COL5A2: variants seen among roughly 807,000 people sequenced by gnomAD.
COL5A2 encodes the protein collagen type V alpha 2 chain, also known as collagen alpha-2(V) chain.
COL5A2 carries 23 observed loss-of-function variants against 208.2 expected under a neutral mutation model. The ratio of observed to expected loss-of-function variants is 0.11; its 90% CI spans 0.08 to 0.16. The LOEUF (loss-of-function observed/expected upper bound fraction) is 0.16. Among genes scored for constraint, COL5A2 ranks in the 10% least tolerant of loss-of-function variants. COL5A2 has a pLI of 1.00. For synonymous variants in COL5A2, 625 were observed against 628.5 expected, an observed-to-expected ratio of 0.99 and a Z score of 0.08; for missense variants, 1,590 against 1,956.4, an observed-to-expected ratio of 0.81 and a Z score of 3.53.
rs201575653 is a variant in COL5A2 at position 189,098,036 on chromosome 2, C to CCCCA, written c.402+690_402+691insTGGG. 1.4e-4 allele frequency among the ~76,000 whole-genome samples: 21 copies of CCCCA among 151,054 alleles called. 1 individual carries two copies. In the East Asian group the frequency reaches 4.1e-3, roughly 29 times the overall value. On this transcript the variant is annotated intron_variant, in intron 5 of 53. Coordinates refer to ENST00000374866, the MANE Select transcript of COL5A2 (RefSeq NM_000393.5). ...TGTGCTGATATCTTAAAATGTTTTTCCCCCCCTGGGAAATGGCTGTTGCCA... is the reference window on the plus strand; with the variant it reads ...TGTGCTGATATCTTAAAATGTTTTTCCCCACCCCCCTGGGAAATGGCTGTTGCCA...
the COL5A2 span, among the ~76,000 whole-genome samples, chr2:189,280,853 C>G: frequency 6.6e-6 from 1 of 151,960 alleles, no homozygotes. Flanking sequence ...TTTGGACTCA[C>G]CTGAACTCTT....
At chr2:189,192,763 T>C (rs1382902514) in intron 1 of COL5A2, among the ~76,000 whole-genome samples, 1 of 152,212 alleles carries the variant, frequency 6.6e-6, no homozygotes, top group East Asian at 1.9e-4. Context: ...CCAAAATTCA[T>C]CTTGAAATTT....
intron 1 of COL5A2, among the ~76,000 whole-genome samples, chr2:189,171,725 A>T (rs1315167881): frequency 1.3e-5 from 2 of 152,232 alleles, no homozygotes; most frequent in Non-Finnish European, 2.9e-5. Flanking sequence ...ATATTTATTT[A>T]TCTAAAGTTC....
At chr2:189,273,964 G>A in the COL5A2 span, among the ~76,000 whole-genome samples, 4 of 151,494 alleles carry the variant, frequency 2.6e-5, no homozygotes, top group African/African-American at 9.7e-5. Flanking sequence ...GCTACGTATT[G>A]TATACCTGAA....
At chr2:189,129,129 A>G (rs1320356837) in intron 1 of COL5A2, among the ~76,000 whole-genome samples, 2 of 151,918 alleles carry the variant, frequency 1.3e-5, no homozygotes, top group Admixed American at 6.6e-5. Context: ...ATCACTGGGT[A>G]GAATTCACAA....
chr2:189,165,288 G>A (rs1688443155), intron 1 of COL5A2, among the ~76,000 whole-genome samples: 1 of 151,940 alleles, frequency 6.6e-6, no homozygotes, highest in Non-Finnish European at 1.5e-5. Flanking sequence ...CTGCCCAAAG[G>A]GAAAAACATG....
the COL5A2 span, among the ~76,000 whole-genome samples, chr2:189,289,345 A>G: frequency 1.3e-5 from 2 of 152,138 alleles, no homozygotes; most frequent in East Asian, 1.9e-4. Context: ...TATCTAAAAA[A>G]AAAGAAAAAA....
At chr2:189,146,832 A>G (rs1182700041) in intron 1 of COL5A2, among the ~76,000 whole-genome samples, 1 of 152,190 alleles carries the variant, frequency 6.6e-6, no homozygotes, top group African/African-American at 2.4e-5. Flanking sequence ...TCATAGGAAG[A>G]AACAAGCATC....
At chr2:189,422,885 T>C in the COL5A2 span, among the ~76,000 whole-genome samples, 1 of 151,848 alleles carries the variant, frequency 6.6e-6, no homozygotes, top group Non-Finnish European at 1.5e-5. Flanking sequence ...TAGCCAGGCA[T>C]GATGGCACAC....
the COL5A2 span, among the ~76,000 whole-genome samples, chr2:189,372,486 T>C: frequency 5.9e-5 from 9 of 152,184 alleles, no homozygotes; most frequent in African/African-American, 2.2e-4. Context: ...AACTGTCTAA[T>C]ATTCTATAAT....
chr2:189,288,980 A>G, the COL5A2 span, among the ~76,000 whole-genome samples: 1 of 152,218 alleles, frequency 6.6e-6, no homozygotes, highest in African/African-American at 2.4e-5. Flanking sequence ...ATTGCTGCAG[A>G]AAAAGCATTT....
the COL5A2 span, among the ~76,000 whole-genome samples, chr2:189,370,091 A>G: frequency 6.6e-6 from 1 of 152,236 alleles, no homozygotes; most frequent in East Asian, 1.9e-4. Context: ...ATGGACACCA[A>G]ATGACTCCCT....
At chr2:189,202,479 A>G (rs1689090928) in intron 1 of COL5A2, among the ~76,000 whole-genome samples, 1 of 152,180 alleles carries the variant, frequency 6.6e-6, no homozygotes, top group Non-Finnish European at 1.5e-5. Flanking sequence ...TGACTTAGTG[A>G]AGAAGCAGTA....
At chr2:189,045,290 A>C in intron 46 of COL5A2, 58 bp from the exon 47 acceptor site, 1 of 1,128,470 alleles carries the variant, frequency 8.9e-7, no homozygotes, top group South Asian at 1.3e-5. Flanking sequence ...CACATATTAC[A>C]TAGATACAGG....
At chr2:189,068,928 GA>G in intron 18 of COL5A2, 44 bp from the exon 19 acceptor site, 1 of 1,306,018 alleles carries the variant, frequency 7.7e-7, no homozygotes. Context: ...AAAAATACGA[GA>G]GTGGCATTGT....
the COL5A2 span, among the ~76,000 whole-genome samples, chr2:189,396,500 C>G: frequency 1.7e-4 from 25 of 150,086 alleles, no homozygotes; most frequent in African/African-American, 5.9e-4. Flanking sequence ...GGTGAAACCC[C>G]GTCTCTACTA....
At chr2:189,161,336 T>G (rs1688359494) in intron 1 of COL5A2, among the ~76,000 whole-genome samples, 2 of 152,142 alleles carry the variant, frequency 1.3e-5, no homozygotes, top group African/African-American at 4.8e-5. Context: ...CCTCTCATTA[T>G]GTATTCCTTA....
chr2:189,401,296 A>G, the COL5A2 span, among the ~76,000 whole-genome samples: 4 of 152,180 alleles, frequency 2.6e-5, no homozygotes, highest in South Asian at 6.2e-4. Flanking sequence ...GCTGCCACTT[A>G]TAAGTGAGAC....
chr2:189,233,547 T>C, the COL5A2 span, among the ~76,000 whole-genome samples: 8 of 151,712 alleles, frequency 5.3e-5, no homozygotes, highest in Non-Finnish European at 1.2e-4. Flanking sequence ...AGCTTTACCT[T>C]GGTATTTGAA....
Sources: allele counts gnomAD v4.1 joint callset (sites outside exome capture counted in the v4.1 genomes callset), GRCh38; gene constraint gnomAD v4.1.1; transcripts MANE v1.5; gene names NCBI Gene and HGNC (gene_info 2026-07-23, HGNC 2026-07-21).